The following PLPPR1 variants were observed in gnomAD, a reference collection of about 807,000 sequenced individuals.
PLPPR1 encodes phospholipid phosphatase related 1, also known as phospholipid phosphatase-related protein type 1.
PLPPR1 carries 10 observed loss-of-function variants against 33.1 expected under a neutral mutation model. The observed-to-expected ratio is 0.30, with a 90% CI of 0.19 to 0.51. The LOEUF (loss-of-function observed/expected upper bound fraction) is 0.51, where lower values mean the gene tolerates loss of function less well. PLPPR1 is among the 20% of genes least tolerant of loss of function. The pLI is 0.97. For missense variants in PLPPR1, 304 were observed against 408.1 expected (o/e 0.74, Z 2.20); for synonymous variants, 151 against 151.0 (o/e 1.00, Z 0.00).
chr9:101,185,463 TG>T lies in PLPPR1; in HGVS notation c.-31del. ...TTTCTATTTCAGCCTGGACAGTTTT[TG>T]ACGGTGCAGTCTTGCTATATGGTGT... On this transcript the variant is annotated 5_prime_UTR_variant, in exon 2 of 8. Coordinates refer to ENST00000374874, the MANE Select transcript of PLPPR1 (RefSeq NM_207299.2). The T allele has an allele frequency of 6.9e-7, 1 of 1,441,700 alleles. No individual in the cohort carries two copies. The highest frequency in any genetic ancestry group is 1.2e-5 in the South Asian group (1 of 85,060). 89.3% of individuals were successfully genotyped at this position (1,441,700 alleles called of 1,614,324 possible).
chr9:101,323,990 A>G (rs1243328480), intron 7 of PLPPR1, 35 bp from the exon 8 acceptor site: 16 of 1,606,422 alleles, frequency 1.0e-5, no homozygotes, highest in Non-Finnish European at 1.4e-5. Flanking sequence ...AGGCAACCCT[A>G]TCTCAGATTT....
At chr9:101,279,412 G>A (rs1375893139) in intron 3 of PLPPR1, among the ~76,000 whole-genome samples, 1 of 152,004 alleles carries the variant, frequency 6.6e-6, no homozygotes, top group Non-Finnish European at 1.5e-5. Flanking sequence ...TTTCAGCATT[G>A]GACAGATAGT....
At chr9:101,320,552 G>A (rs1214064086) in intron 7 of PLPPR1, among the ~76,000 whole-genome samples, 1 of 152,112 alleles carries the variant, frequency 6.6e-6, no homozygotes, top group Non-Finnish European at 1.5e-5. Flanking sequence ...CTATGAGAAG[G>A]ACTTCTGCAG....
chr9:101,312,279 G>C (rs1417829595), intron 5 of PLPPR1, among the ~76,000 whole-genome samples: 4 of 149,292 alleles, frequency 2.7e-5, no homozygotes, highest in Non-Finnish European at 6.0e-5. Context: ...TAACTCATCA[G>C]TCAACACTTT....
chr9:101,307,181 G>C (rs1828873131), intron 4 of PLPPR1, among the ~76,000 whole-genome samples: 1 of 152,192 alleles, frequency 6.6e-6, no homozygotes, highest in Non-Finnish European at 1.5e-5. Context: ...TTCAGCCTTG[G>C]CATACAGGAC....
chr9:101,225,422 TCTGTGCAGGGCTGA>T (rs1219634920), intron 2 of PLPPR1, among the ~76,000 whole-genome samples: 2 of 152,202 alleles, frequency 1.3e-5, no homozygotes, highest in East Asian at 3.9e-4. Flanking sequence ...GCCTCACCTC[TCTGTGCAGGGCTGA>T]CTGGCTCATT....
chr9:101,243,901 C>T (rs548145116), intron 2 of PLPPR1, among the ~76,000 whole-genome samples: 7 of 151,952 alleles, frequency 4.6e-5, no homozygotes, highest in African/African-American at 1.7e-4. Context: ...TGACATTCCT[C>T]CCAGCACAGT....
intron 1 of PLPPR1, among the ~76,000 whole-genome samples, chr9:101,102,294 C>G (rs1478360405): frequency 8.7e-6 from 1 of 114,684 alleles, no homozygotes; most frequent in Admixed American, 8.8e-5. Flanking sequence ...ATCCCTCCCC[C>G]ATCCCCCGAC....
At chr9:101,068,607 A>C (rs369737785) in intron 1 of PLPPR1, among the ~76,000 whole-genome samples, 68 of 151,992 alleles carry the variant, frequency 4.5e-4, no homozygotes, top group African/African-American at 1.6e-3. Context: ...TTATTTTTCA[A>C]GGTGCCCATA....
intron 1 of PLPPR1, among the ~76,000 whole-genome samples, chr9:101,029,671 G>A (rs959784504): frequency 6.6e-6 from 1 of 152,332 alleles, no homozygotes; most frequent in East Asian, 1.9e-4. Flanking sequence ...GGCGGCCTTC[G>A]GCTTTCTCAT....
At chr9:101,138,645 C>A (rs1383232190) in intron 1 of PLPPR1, among the ~76,000 whole-genome samples, 3 of 152,192 alleles carry the variant, frequency 2.0e-5, no homozygotes, top group Non-Finnish European at 4.4e-5. Flanking sequence ...AGCTGTGTGA[C>A]CTCTGTTGAG....
At chr9:101,296,669 C>T (rs1828647884) in intron 4 of PLPPR1, among the ~76,000 whole-genome samples, 1 of 152,094 alleles carries the variant, frequency 6.6e-6, no homozygotes, top group African/African-American at 2.4e-5. Flanking sequence ...AATTGGAAAT[C>T]ATCATTCTCA....
At chr9:101,321,178 AGAGCACACATTC>A (rs1359177085) in intron 7 of PLPPR1, among the ~76,000 whole-genome samples, 1 of 152,208 alleles carries the variant, frequency 6.6e-6, no homozygotes, top group Non-Finnish European at 1.5e-5. Context: ...ACCTCTCTTC[AGAGCACACATTC>A]GTACACATGA....
At chr9:101,320,655 G>A (rs992081049) in intron 7 of PLPPR1, among the ~76,000 whole-genome samples, 2 of 152,134 alleles carry the variant, frequency 1.3e-5, no homozygotes, top group African/African-American at 4.8e-5. Flanking sequence ...AAGTCACCAA[G>A]CATCTGTTTT....
At chr9:101,127,931 T>A (rs1232156022) in intron 1 of PLPPR1, among the ~76,000 whole-genome samples, 1 of 151,960 alleles carries the variant, frequency 6.6e-6, no homozygotes, top group Non-Finnish European at 1.5e-5. Context: ...GGATGAGGGA[T>A]GAGAAATAGA....
At chr9:101,152,170 GT>G (rs1831597604) in intron 1 of PLPPR1, among the ~76,000 whole-genome samples, 1 of 152,138 alleles carries the variant, frequency 6.6e-6, no homozygotes, top group Non-Finnish European at 1.5e-5. Context: ...ATTTTTTCAT[GT>G]GTCTGTTGGC....
intron 1 of PLPPR1, among the ~76,000 whole-genome samples, chr9:101,035,484 A>G (rs955425587): frequency 6.6e-6 from 1 of 152,250 alleles, no homozygotes; most frequent in South Asian, 2.1e-4. Context: ...GCCTTTCGCC[A>G]TGCTGTTCCC....
At chr9:101,295,632 C>T (rs1474356767) in intron 4 of PLPPR1, among the ~76,000 whole-genome samples, 1 of 149,652 alleles carries the variant, frequency 6.7e-6, no homozygotes. Context: ...GAACAGAGCC[C>T]TCAGAAATAA....
intron 1 of PLPPR1, among the ~76,000 whole-genome samples, chr9:101,078,140 G>A (rs1451531843): frequency 5.4e-5 from 1 of 18,466 alleles, no homozygotes; most frequent in Non-Finnish European, 1.0e-4. Flanking sequence ...AGAAGAAGAA[G>A]AAGAAGAAGA....
Sources: allele counts gnomAD v4.1 joint callset (sites outside exome capture counted in the v4.1 genomes callset), GRCh38; gene constraint gnomAD v4.1.1; transcripts MANE v1.5; gene names NCBI Gene and HGNC (gene_info 2026-07-23, HGNC 2026-07-21).